PRKCQ: variants seen among roughly 807,000 people sequenced by gnomAD.
PRKCQ encodes the protein protein kinase C theta.
In PRKCQ, 41 loss-of-function variants were observed where a neutral mutation model predicts 91.2. The ratio of observed to expected loss-of-function variants is 0.45; its 90% CI spans 0.35 to 0.58. The LOEUF is 0.58. PRKCQ is among the 20% of genes least tolerant of loss of function. The pLI is 0.00. For missense variants in PRKCQ, 673 were observed against 896.5 expected (o/e 0.75, Z 3.18); for synonymous variants, 307 against 316.9 (o/e 0.97, Z 0.33).
chr10:6,489,669 C>T (rs907230271), intron 8 of PRKCQ, among the ~76,000 whole-genome samples: 3 of 149,628 alleles, frequency 2.0e-5, no homozygotes, highest in Non-Finnish European at 3.0e-5. Flanking sequence ...GGCAGGGACC[C>T]GGGAGTGTCA....
At chr10:6,528,461 C>T (rs1054246577) in intron 1 of PRKCQ, among the ~76,000 whole-genome samples, 7 of 152,146 alleles carry the variant, frequency 4.6e-5, no homozygotes, top group African/African-American at 1.2e-4. Flanking sequence ...AGTCCAGCAT[C>T]GCCTGGGACG....
intron 14 of PRKCQ, 98 bp from the exon 15 acceptor site, chr10:6,456,910 G>A (rs1430769823): frequency 3.8e-5 from 50 of 1,307,986 alleles, no homozygotes; most frequent in Middle Eastern, 4.0e-4. Flanking sequence ...ATTGCAGCCT[G>A]AGAGGGGCTC....
intron 16 of PRKCQ, among the ~76,000 whole-genome samples, chr10:6,441,503 T>C (rs1833971211): frequency 6.6e-6 from 1 of 151,968 alleles, no homozygotes; most frequent in African/African-American, 2.4e-5. Flanking sequence ...GGGGTCTCGA[T>C]ACATTGCCCA....
intron 12 of PRKCQ, among the ~76,000 whole-genome samples, 183 bp downstream of exon 12, chr10:6,478,809 C>T (rs1836413850): frequency 1.3e-5 from 2 of 152,120 alleles, no homozygotes; most frequent in East Asian, 1.9e-4. Context: ...ATTGATGACA[C>T]TAAAACATTC....
intron 1 of PRKCQ, among the ~76,000 whole-genome samples, chr10:6,519,616 C>T (rs1174106624): frequency 5.3e-5 from 8 of 152,164 alleles, no homozygotes; most frequent in Non-Finnish European, 1.2e-4. Context: ...TAAGCAAATG[C>T]AGACCCCAAG....
chr10:6,462,514 T>G, intron 13 of PRKCQ, 149 bp from the exon 14 acceptor site: 1 of 663,632 alleles, frequency 1.5e-6, no homozygotes, highest in Non-Finnish European at 2.6e-6. Flanking sequence ...GAAGATGTTG[T>G]CCATTCATTC....
At chr10:6,436,985 C>T (rs1017591274) in intron 16 of PRKCQ, among the ~76,000 whole-genome samples, 1 of 152,118 alleles carries the variant, frequency 6.6e-6, no homozygotes, top group Non-Finnish European at 1.5e-5. Context: ...CATTTATGGG[C>T]CATGAGGGGT....
chr10:6,415,087 C>T, the PRKCQ span, among the ~76,000 whole-genome samples: 3 of 151,874 alleles, frequency 2.0e-5, no homozygotes, highest in Non-Finnish European at 4.4e-5. Context: ...TTCAGCCTCC[C>T]GAGTAGCTGG....
the PRKCQ span, among the ~76,000 whole-genome samples, chr10:6,413,136 T>G: frequency 6.6e-6 from 1 of 152,016 alleles, no homozygotes; most frequent in Admixed American, 6.5e-5. Context: ...GTATGTTTAG[T>G]AGAGACGGGG....
chr10:6,445,164 G>C (rs1458789638), intron 15 of PRKCQ, among the ~76,000 whole-genome samples: 1 of 145,144 alleles, frequency 6.9e-6, no homozygotes, highest in Non-Finnish European at 1.5e-5. Flanking sequence ...AGACATTCCA[G>C]TATTTTCTAG....
chr10:6,400,771 C>T, the PRKCQ span, among the ~76,000 whole-genome samples: 6 of 149,970 alleles, frequency 4.0e-5, no homozygotes, highest in South Asian at 2.1e-4. Flanking sequence ...CCTGGGTGCT[C>T]GGCAGGCTGA....
At chr10:6,478,835 T>A (rs144321724) in intron 12 of PRKCQ, among the ~76,000 whole-genome samples, 157 bp downstream of exon 12, 1 of 152,172 alleles carries the variant, frequency 6.6e-6, no homozygotes, top group Non-Finnish European at 1.5e-5. Context: ...AATACTTCCA[T>A]GGTGTGTAGA....
intron 1 of PRKCQ, among the ~76,000 whole-genome samples, chr10:6,544,095 G>C (rs1839866921): frequency 1.3e-5 from 2 of 152,136 alleles, no homozygotes; most frequent in South Asian, 4.1e-4. Flanking sequence ...ACCATCTTTT[G>C]AAGAGCTCTC....
intron 17 of PRKCQ, 90 bp from the exon 18 acceptor site, chr10:6,428,452 G>T: frequency 7.0e-7 from 1 of 1,430,284 alleles, no homozygotes; most frequent in Non-Finnish European, 9.5e-7. Context: ...GCCGTGATCT[G>T]CGTATGGCAA....
chr10:6,579,672 T>G (rs1841387413), intron 1 of PRKCQ, among the ~76,000 whole-genome samples: 1 of 151,078 alleles, frequency 6.6e-6, no homozygotes, highest in African/African-American at 2.4e-5. Flanking sequence ...TTTTGGTATC[T>G]TTCAAAGACC....
chr10:6,558,970 T>C (rs1293992674), intron 1 of PRKCQ, among the ~76,000 whole-genome samples: 1 of 152,180 alleles, frequency 6.6e-6, no homozygotes. Flanking sequence ...CGGTGACATG[T>C]GCTGCCGTTA....
intron 4 of PRKCQ, among the ~76,000 whole-genome samples, chr10:6,502,669 G>T (rs1588343450): frequency 6.6e-6 from 1 of 152,180 alleles, no homozygotes; most frequent in East Asian, 1.9e-4. Context: ...ATGGCAGGAG[G>T]TAGTAATGAT....
At chr10:6,418,301 A>G in the PRKCQ span, among the ~76,000 whole-genome samples, 3 of 152,198 alleles carry the variant, frequency 2.0e-5, no homozygotes, top group African/African-American at 7.2e-5. Flanking sequence ...TTCTCTTGCC[A>G]GTGGATGCTG....
At chr10:6,506,082 C>T (rs1055267862) in intron 4 of PRKCQ, among the ~76,000 whole-genome samples, 10 of 152,168 alleles carry the variant, frequency 6.6e-5, no homozygotes, top group South Asian at 2.1e-4. Flanking sequence ...TCTGGTTATT[C>T]GGATATCCTG....
Sources: allele counts gnomAD v4.1 joint callset (sites outside exome capture counted in the v4.1 genomes callset), GRCh38; gene constraint gnomAD v4.1.1; transcripts MANE v1.5; gene names NCBI Gene and HGNC (gene_info 2026-07-23, HGNC 2026-07-21).